The following C18orf63 variants were observed in gnomAD, a reference collection of about 807,000 sequenced individuals.
C18orf63 encodes the protein chromosome 18 open reading frame 63.
In C18orf63, 50 loss-of-function variants were observed where a neutral mutation model predicts 75.3. That is an observed-to-expected ratio of 0.66 (90% CI 0.53 to 0.84). The LOEUF is 0.84. Among genes scored for constraint, C18orf63 ranks in the 40% least tolerant of loss-of-function variants. The pLI is 0.00. For missense variants in C18orf63, 732 were observed against 800.2 expected (o/e 0.91, Z 1.03); for synonymous variants, 232 against 267.6 (o/e 0.87, Z 1.30).
chr18:74,352,334 ATACAG>A (rs1438998860), intron 11 of C18orf63, among the ~76,000 whole-genome samples: 5 of 152,206 alleles, frequency 3.3e-5, no homozygotes, highest in African/African-American at 9.7e-5. Flanking sequence ...TGGTTATATA[ATACAG>A]TACAGTGGTA....
rs372277237 is a variant in C18orf63, at chr18:74,337,455, A to G, written c.502-1260A>G. Among the ~76,000 whole-genome samples the G allele has an allele frequency of 2.6e-5, 4 of 152,238 alleles. No individual in the cohort carries two copies. The East Asian group carries it at 7.7e-4, about 29-fold the overall frequency. On this transcript the variant is annotated intron_variant, in intron 7 of 13. Coordinates refer to ENST00000579455, the MANE Select transcript of C18orf63 (RefSeq NM_001174123.2). ...ATACTCAAGCTATATAAGTAGGTGTATGTGGGAACCCATAAACTTTAAACA... is the reference window on the plus strand; with the variant it reads ...ATACTCAAGCTATATAAGTAGGTGTGTGTGGGAACCCATAAACTTTAAACA...
chr18:74,318,468 A>T (rs981185232), intron 2 of C18orf63, among the ~76,000 whole-genome samples: 11 of 152,138 alleles, frequency 7.2e-5, no homozygotes, highest in African/African-American at 2.7e-4. Context: ...TCTGTCTCAA[A>T]ATATCTGATC....
Position 74,330,886 on chromosome 18 carries a change from G to A in C18orf63, c.445G>A (p.Glu149Lys). The A allele has an allele frequency of 6.9e-7, 1 of 1,451,024 alleles. No individual in the cohort carries two copies. The highest frequency in any genetic ancestry group is 9.2e-7 in the Non-Finnish European group (1 of 1,085,100). The allele number at this position is 1,451,024 out of a possible 1,614,324, so 89.9% of individuals were successfully genotyped here. Reference sequence around the variant, plus strand: ...TTCAGTATTAAACATCAATGTAACAGAAACTCAAGTTTGTCTAAGTATAGA... The same window carrying A: ...TTCAGTATTAAACATCAATGTAACAAAAACTCAAGTTTGTCTAAGTATAGA... ...SAVVLNINVTETQVCLSIEAC... is the reference protein window; with the variant it reads ...SAVVLNINVTKTQVCLSIEAC... Residue 149 changes from glutamate (E) to lysine (K), a missense_variant, in exon 7 of 14, where the codon GAA (glutamate) becomes AAA (lysine). Transcript: ENST00000579455.
chr18:74,316,847 A>G (rs993838010), intron 1 of C18orf63, among the ~76,000 whole-genome samples: 3 of 152,208 alleles, frequency 2.0e-5, no homozygotes, highest in African/African-American at 7.2e-5. Context: ...AACAATAGTA[A>G]TAATTCTAAT....
chr18:74,352,259 A>AT (rs1984679134), intron 11 of C18orf63, among the ~76,000 whole-genome samples: 1 of 152,236 alleles, frequency 6.6e-6, no homozygotes, highest in African/African-American at 2.4e-5. Context: ...GAAACAGGAA[A>AT]TTACTATTTA....
At position 74,354,467 on chromosome 18, in the gene C18orf63, C is replaced by G. The variant is rs1156481161; in HGVS notation, c.2012C>G (p.Ser671Trp). 4.7e-6 allele frequency: 7 copies of G among 1,474,316 alleles called. No homozygotes were observed. The highest frequency in any genetic ancestry group is 5.5e-6 in the Non-Finnish European group (6 of 1,093,420). 91.3% of individuals were successfully genotyped at this position (1,474,316 alleles called of 1,614,324 possible). A position where few individuals can be genotyped will look rare whatever the true frequency, so the allele number is the denominator to read the frequency against. Residue 671 changes from serine (S) to tryptophan (W), a missense_variant, in exon 13 of 14, where the codon TCG (serine) becomes TGG (tryptophan). This residue lies in a region of C18orf63 where 495 missense variants were observed against 508.7 expected (regional missense o/e 0.97). Transcript: ENST00000579455. ...SSSSKKQILD[S>W]DKSKLKKSLI... is the part of the protein sequence containing the mutation. ...TTCAATCTAATACAGATACTTGACT[C>G]GGATAAATCAAAACTTAAGAAATCT...
At chr18:74,343,160 G>C (rs1468727041) in intron 10 of C18orf63, among the ~76,000 whole-genome samples, 9 of 152,068 alleles carry the variant, frequency 5.9e-5, no homozygotes, top group African/African-American at 2.2e-4. Flanking sequence ...ATTTCTAACT[G>C]TTTTTGGAGG....
At chr18:74,346,773 A>T (rs1984582056) in intron 11 of C18orf63, among the ~76,000 whole-genome samples, 1 of 152,200 alleles carries the variant, frequency 6.6e-6, no homozygotes, top group Non-Finnish European at 1.5e-5. Context: ...ATTGGAAGTT[A>T]TGGTTTTATA....
At chr18:74,350,932 C>T (rs1348414835) in intron 11 of C18orf63, among the ~76,000 whole-genome samples, 1 of 152,128 alleles carries the variant, frequency 6.6e-6, no homozygotes, top group African/African-American at 2.4e-5. Context: ...TAGAGCTGTG[C>T]TAAACAGGAT....
At position 74,320,517 on chromosome 18, in the gene C18orf63, T is replaced by C; in HGVS notation, c.139T>C (p.Leu47=). The C allele has an allele frequency of 6.5e-7, 1 of 1,532,596 alleles. No homozygotes were observed. Among genetic ancestry groups the C allele is most frequent in the South Asian group, 1.2e-5 (1 of 83,702 alleles). The allele number at this position is 1,532,596 out of a possible 1,614,324, so 94.9% of individuals were successfully genotyped here. A position where few individuals can be genotyped will look rare whatever the true frequency, so the allele number is the denominator to read the frequency against. The part of the protein sequence containing the change: ...RTIQMKMCRQ[L]LFLHQDILTS... ...TAATATATTTCATCTCCACAGGCAATTGCTGTTTTTGCATCAAGATATTCT... is the reference window on the plus strand; with the variant it reads ...TAATATATTTCATCTCCACAGGCAACTGCTGTTTTTGCATCAAGATATTCT... The change falls in exon 3 of 14, where the codon TTG becomes CTG. Residue 47 remains leucine (L), a synonymous_variant. Coordinates refer to ENST00000579455, the MANE Select transcript of C18orf63 (RefSeq NM_001174123.2).
At chr18:74,341,791 A>G (rs1037349528) in intron 8 of C18orf63, among the ~76,000 whole-genome samples, 2 of 152,206 alleles carry the variant, frequency 1.3e-5, no homozygotes, top group African/African-American at 2.4e-5. Flanking sequence ...GCAATCCACA[A>G]TGTATACATA....
intron 5 of C18orf63, among the ~76,000 whole-genome samples, 156 bp from the exon 6 acceptor site, chr18:74,328,839 A>AT (rs1344556902): frequency 6.6e-6 from 1 of 152,102 alleles, no homozygotes. Flanking sequence ...GAATGATTAT[A>AT]TTTTTTCAGC....
At chr18:74,340,468 T>C (rs1984462486) in intron 8 of C18orf63, among the ~76,000 whole-genome samples, 1 of 152,186 alleles carries the variant, frequency 6.6e-6, no homozygotes, top group South Asian at 2.1e-4. Flanking sequence ...AAATTAAAAA[T>C]AGAACTATCT....
intron 3 of C18orf63, among the ~76,000 whole-genome samples, chr18:74,322,000 G>T (rs908004709): frequency 2.6e-5 from 4 of 152,130 alleles, no homozygotes; most frequent in Non-Finnish European, 5.9e-5. Context: ...TGGATGTATA[G>T]TAATTTACTT....
chr18:74,322,275 T>A (rs1398008604), intron 3 of C18orf63, among the ~76,000 whole-genome samples: 1 of 152,242 alleles, frequency 6.6e-6, no homozygotes, highest in African/African-American at 2.4e-5. Context: ...TTTAAATAGT[T>A]GTCAGTCTGT....
At chr18:74,324,560 A>G (rs7231083) in intron 4 of C18orf63, among the ~76,000 whole-genome samples, 2,026 of 152,314 alleles carry the variant, frequency 0.013, 25 homozygotes, top group South Asian at 0.047. Flanking sequence ...AGAACTTATC[A>G]ATGACATTAA....
chr18:74,355,000 C>T (rs1369412763), intron 13 of C18orf63, among the ~76,000 whole-genome samples: 1 of 152,200 alleles, frequency 6.6e-6, no homozygotes, highest in Non-Finnish European at 1.5e-5. Context: ...AAACTTGATA[C>T]TCAGTTAATA....
intron 7 of C18orf63, among the ~76,000 whole-genome samples, chr18:74,335,611 C>T (rs1984378496): frequency 6.6e-6 from 1 of 152,024 alleles, no homozygotes; most frequent in African/African-American, 2.4e-5. Flanking sequence ...TTCAGAAAAG[C>T]ATTATGTAAT....
chr18:74,354,026 T>A lies in C18orf63; in HGVS notation c.1759T>A (p.Ser587Thr). 1 of 1,536,244 alleles carries A rather than the reference T, an allele frequency of 6.5e-7. No homozygotes were observed. Residue 587 changes from serine to threonine, a missense_variant, in exon 12 of 14, where the codon TCA (serine) becomes ACA (threonine). By Grantham distance (58) the Ser-to-Thr change is moderately conservative. This residue lies in a region of C18orf63 where 495 missense variants were observed against 508.7 expected (regional missense o/e 0.97). Coordinates refer to ENST00000579455, the MANE Select transcript of C18orf63 (RefSeq NM_001174123.2). Reference sequence around the variant, plus strand: ...ACAAATTTTAGGGAAAAGCCATGGGTCACTAAAACTGAAAAGACAGCCACA... The same window carrying A: ...ACAAATTTTAGGGAAAAGCCATGGGACACTAAAACTGAAAAGACAGCCACA... ...ITQILGKSHG[S>T]LKLKRQPHIF...
Sources: gnomAD v4.1 joint callset for allele counts (sites outside exome capture counted in the v4.1 genomes callset) on GRCh38, gnomAD v4.1.1 for gene constraint, gnomAD v4.1.1 regional missense constraint, MANE v1.5 for transcripts, NCBI Gene and HGNC (gene_info 2026-07-23, HGNC 2026-07-21) for gene names.